CEP63: variants seen among roughly 807,000 people sequenced by gnomAD.
CEP63 encodes centrosomal protein of 63 kDa.
A neutral mutation model predicts 89.1 loss-of-function variants in CEP63; 84 were observed. The ratio of observed to expected loss-of-function variants is 0.94; its 90% confidence interval spans 0.79 to 1.13. The LOEUF (loss-of-function observed/expected upper bound fraction) is 1.13. Among genes scored for constraint, CEP63 ranks in the 50% most tolerant of loss-of-function variants. The pLI is 0.00. For synonymous variants in CEP63, 267 were observed against 272.5 expected, an observed-to-expected ratio of 0.98 and a Z score of 0.20; for missense variants, 838 against 813.3, an observed-to-expected ratio of 1.03 and a Z score of -0.37.
At chr3:134,619,271 G>A in the CEP63 span, 6 of 1,602,774 alleles carry the variant, frequency 3.7e-6, no homozygotes, top group Non-Finnish European at 5.1e-6. Context: ...ATACTCTATA[G>A]GGCAGGTGAG....
the CEP63 span, among the ~76,000 whole-genome samples, chr3:134,684,047 G>A: frequency 6.6e-6 from 1 of 152,160 alleles, no homozygotes. Flanking sequence ...GTGGATGCCT[G>A]GGAGGTAAAA....
intron 12 of CEP63, chr3:134,552,829 A>T (rs1473361673): frequency 2.6e-5 from 4 of 152,142 alleles, no homozygotes; most frequent in Non-Finnish European, 4.4e-5. Flanking sequence ...AGGCTGAATA[A>T]GATAGCATTC....
At chr3:134,710,377 G>C in the CEP63 span, among the ~76,000 whole-genome samples, 1 of 152,182 alleles carries the variant, frequency 6.6e-6, no homozygotes, top group African/African-American at 2.4e-5. Context: ...GCTGTGTGCT[G>C]TTTGCAATGA....
At chr3:134,622,363 G>T in the CEP63 span, among the ~76,000 whole-genome samples, 71 of 152,282 alleles carry the variant, frequency 4.7e-4, no homozygotes, top group African/African-American at 1.6e-3. Context: ...ATATATACAT[G>T]GGAATATTAT....
chr3:134,657,769 T>C, the CEP63 span, among the ~76,000 whole-genome samples: 1 of 152,248 alleles, frequency 6.6e-6, no homozygotes, highest in African/African-American at 2.4e-5. Flanking sequence ...CCAGAAAGAC[T>C]GTGCCTATTT....
chr3:134,650,894 G>A, the CEP63 span: 3 of 1,613,074 alleles, frequency 1.9e-6, no homozygotes, highest in South Asian at 2.2e-5. Context: ...GCGGCGCGCC[G>A]CTTCTCCGAG....
the CEP63 span, chr3:134,607,408 G>T: frequency 1.0e-6 from 1 of 985,638 alleles, no homozygotes; most frequent in Non-Finnish European, 1.2e-6. Context: ...CTCCCCAGGG[G>T]CTCTGGGCCC....
chr3:134,651,090 C>T, the CEP63 span: 4 of 1,528,848 alleles, frequency 2.6e-6, no homozygotes. Context: ...TCCCCCGCCG[C>T]TGGAGCCGCA....
chr3:134,650,728 T>G, the CEP63 span: 1 of 1,177,516 alleles, frequency 8.5e-7, no homozygotes, highest in Non-Finnish European at 1.2e-6. Flanking sequence ...GCTGACCTCG[T>G]TCGGGGGAGC....
chr3:134,654,607 C>CAGT, the CEP63 span, among the ~76,000 whole-genome samples: 1 of 152,216 alleles, frequency 6.6e-6, no homozygotes, highest in African/African-American at 2.4e-5. Flanking sequence ...TTTCCTCAGC[C>CAGT]AGTGTAGGCT....
the CEP63 span, chr3:134,627,920 C>A: frequency 3.5e-5 from 29 of 833,688 alleles, no homozygotes; most frequent in African/African-American, 3.7e-4. Flanking sequence ...GACCCCTCCT[C>A]TTTACTCTCC....
intron 1 of CEP63, among the ~76,000 whole-genome samples, chr3:134,487,573 A>T (rs1936036959): frequency 6.6e-6 from 1 of 152,212 alleles, no homozygotes; most frequent in Non-Finnish European, 1.5e-5. Flanking sequence ...GCTTTCAAAA[A>T]ATGTCAACTT....
Position 134,547,407 on chromosome 3 carries a change from C to A in CEP63, c.1002C>A (p.Ser334=). 6.2e-7 allele frequency: 1 copy of A among 1,613,644 alleles called. No individual in the cohort carries two copies. The highest frequency in any genetic ancestry group is 2.2e-5 in the East Asian group (1 of 44,860). Residue 334 remains serine, a synonymous_variant, in exon 9 of 15, where the codon TCC becomes TCA. Transcript: ENST00000675561. ...QGQGDLDSVL[S]QLNFTHTSED... ...AGGGGGACTTAGACAGTGTGCTCTC[C>A]CAGTTGAATTTTACCCATACTAGTG...
chr3:134,608,382 T>A, the CEP63 span: 4 of 1,412,874 alleles, frequency 2.8e-6, no homozygotes, highest in Non-Finnish European at 9.4e-7. Context: ...CCTGCAGCCT[T>A]CAGACACATC....
chr3:134,745,773 A>G, the CEP63 span, among the ~76,000 whole-genome samples: 1 of 151,144 alleles, frequency 6.6e-6, no homozygotes, highest in South Asian at 2.1e-4. Flanking sequence ...TATGAGTGAG[A>G]ACATGCTGTG....
At chr3:134,655,709 G>A in the CEP63 span, among the ~76,000 whole-genome samples, 1 of 152,162 alleles carries the variant, frequency 6.6e-6, no homozygotes, top group Non-Finnish European at 1.5e-5. Flanking sequence ...CCGAGCCAAG[G>A]AAAAGATCAG....
chr3:134,693,567 C>T, the CEP63 span, among the ~76,000 whole-genome samples: 3 of 152,288 alleles, frequency 2.0e-5, no homozygotes, highest in African/African-American at 4.8e-5. Flanking sequence ...TAGAAAGATT[C>T]TTTATATAAA....
In CEP63 at chr3:134,486,391, CG is replaced by C. The variant is rs1003765302; in HGVS notation, c.-26+190del. The C allele has an allele frequency of 6.1e-6, 6 of 985,394 alleles. No homozygotes were observed. The African/African-American group carries it at 8.7e-5, about 14-fold the overall frequency. 61.0% of individuals were successfully genotyped at this position (985,394 alleles called of 1,614,324 possible). A position where few individuals can be genotyped will look rare whatever the true frequency, so the allele number is the denominator to read the frequency against. On this transcript the variant is annotated intron_variant, in intron 1 of 14. Transcript: ENST00000675561. ...GCCTGCGAACCACCAGGCGCGTCCC[CG>C]CCGGCTTGGGTCCGCCCCGAAGCCC...
chr3:134,501,250 T>G (rs1941910659), intron 2 of CEP63, among the ~76,000 whole-genome samples: 1 of 152,226 alleles, frequency 6.6e-6, no homozygotes, highest in African/African-American at 2.4e-5. Context: ...CATTGTAGTG[T>G]AAAGCAAGGC....
Sources: gnomAD v4.1 joint callset for allele counts (sites outside exome capture counted in the v4.1 genomes callset) on GRCh38, gnomAD v4.1.1 for gene constraint, MANE v1.5 for transcripts, NCBI Gene and HGNC (gene_info 2026-07-23, HGNC 2026-07-21) for gene names.